The following FGF14 variants were observed in gnomAD, a reference collection of about 807,000 sequenced individuals.
The protein encoded by FGF14 is fibroblast growth factor 14.
FGF14 carries 5 observed loss-of-function variants against 25.5 expected under a neutral mutation model. The observed-to-expected ratio is 0.20, with a 90% CI of 0.10 to 0.41. The LOEUF (loss-of-function observed/expected upper bound fraction) is 0.41, where lower values mean the gene tolerates loss of function less well. Ranked by LOEUF, FGF14 falls within the 10% of genes least tolerant of loss-of-function variation. The probability of loss-of-function intolerance (pLI) is 1.00; values close to 1 mark genes in which losing one functional copy is unlikely to be tolerated. For missense variants in FGF14, 222 were observed against 320.1 expected (o/e 0.69, Z 2.34); for synonymous variants, 138 against 118.3 (o/e 1.17, Z -1.08).
At chr13:102,083,870 A>G (rs1260179861) in intron 1 of FGF14, among the ~76,000 whole-genome samples, 1 of 152,210 alleles carries the variant, frequency 6.6e-6, no homozygotes, top group Non-Finnish European at 1.5e-5. Context: ...ATCTAAGGCA[A>G]TTGGTCATTT....
At position 101,796,115 on chromosome 13, in the gene FGF14, C is replaced by T. The variant is rs115447004; in HGVS notation, c.409-69305G>A. Among the ~76,000 whole-genome samples the T allele has an allele frequency of 6.7e-3, 1,021 of 151,982 alleles. 11 individuals carry two copies. The highest frequency in any genetic ancestry group is 0.023 in the African/African-American group (936 of 41,450). ...AATAACCTATAATATTTTTAGAAAT[C>T]GTAAAATATAAAGTTCCACTGAGTG... On this transcript the variant is annotated intron_variant, in intron 3 of 4. Coordinates refer to ENST00000376143, the MANE Select transcript of FGF14 (RefSeq NM_004115.4).
At chr13:102,228,720 C>T (rs542408902) in intron 1 of FGF14, among the ~76,000 whole-genome samples, 95 of 152,272 alleles carry the variant, frequency 6.2e-4, no homozygotes, top group African/African-American at 2.2e-3. Context: ...CAAGAATCCT[C>T]CTGTTATTGC....
At chr13:102,338,472 T>C (rs554819275) in intron 1 of FGF14, among the ~76,000 whole-genome samples, 168 of 152,308 alleles carry the variant, frequency 1.1e-3, no homozygotes, top group African/African-American at 3.9e-3. Context: ...TGGCTGGTTA[T>C]AGAAAAGCTG....
chr13:101,795,723 A>G (rs1489640088), intron 3 of FGF14, among the ~76,000 whole-genome samples: 2 of 152,174 alleles, frequency 1.3e-5, no homozygotes, highest in Non-Finnish European at 2.9e-5. Flanking sequence ...ACCATAGTAC[A>G]GGAATCACGT....
In FGF14 at chr13:101,731,833, G is replaced by C. The variant is rs139910358; in HGVS notation, c.409-5023C>G. On this transcript the variant is annotated intron_variant, in intron 3 of 4. Coordinates refer to ENST00000376143, the MANE Select transcript of FGF14 (RefSeq NM_004115.4). ...TAAATAAGGTTTCATTGGAAAACAG[G>C]CACTTTCCTTTGTTTATATATTGTC... 4.4e-3 allele frequency among the ~76,000 whole-genome samples: 664 copies of C among 152,238 alleles called. 2 individuals are homozygous for C. Among genetic ancestry groups the C allele is most frequent in the African/African-American group, 0.015 (623 of 41,526 alleles).
chr13:102,058,748 T>A (rs904265159), intron 1 of FGF14, among the ~76,000 whole-genome samples: 1 of 152,182 alleles, frequency 6.6e-6, no homozygotes, highest in Non-Finnish European at 1.5e-5. Flanking sequence ...ATGAGTTTTT[T>A]AATGTAATCT....
Position 101,715,736 on chromosome 13 carries a change from C to A in FGF14, c.*7095G>T. On this transcript the variant is annotated 3_prime_UTR_variant, in exon 5 of 5. Transcript: ENST00000376143. The stretch of plus-strand genomic sequence containing the variant: ...ATGCGAAGGAAACCATGTATATTCA[C>A]CACTAGGACAGGTTAAAAAGACCAT... 1.2e-6 allele frequency: 1 copy of A among 818,638 alleles called. No homozygotes were observed. Among genetic ancestry groups the A allele is most frequent in the Non-Finnish European group, 2.1e-6 (1 of 478,344 alleles). 50.7% of individuals were successfully genotyped at this position (818,638 alleles called of 1,614,324 possible). A position where few individuals can be genotyped will look rare whatever the true frequency, so the allele number is the denominator to read the frequency against.
At chr13:102,006,601 A>T (rs996993216) in intron 1 of FGF14, among the ~76,000 whole-genome samples, 1 of 152,086 alleles carries the variant, frequency 6.6e-6, no homozygotes, top group African/African-American at 2.4e-5. Flanking sequence ...AGCACACCCA[A>T]ACCAAAAGCA....
chr13:101,715,683 ATTTTTTCTGGGCCAT>A lies in FGF14; in HGVS notation c.*7133_*7147del. On this transcript the variant is annotated 3_prime_UTR_variant, in exon 5 of 5. Transcript: ENST00000376143. ...TTACATGAGAGAGGTCTGGATTCTT[ATTTTTTCTGGGCCAT>A]TAGAACAGATAAATGCGAAGGAAAC... is the stretch of plus-strand genomic sequence containing the variant. The A allele has an allele frequency of 6.8e-7, 1 of 1,464,502 alleles. No homozygotes were observed. The highest frequency in any genetic ancestry group is 9.6e-7 in the Non-Finnish European group (1 of 1,043,726). 90.7% of individuals were successfully genotyped at this position (1,464,502 alleles called of 1,614,324 possible). A position where few individuals can be genotyped will look rare whatever the true frequency, so the allele number is the denominator to read the frequency against.
intron 3 of FGF14, among the ~76,000 whole-genome samples, chr13:101,824,535 G>A (rs1485679837): frequency 6.6e-6 from 1 of 151,850 alleles, no homozygotes; most frequent in Non-Finnish European, 1.5e-5. Flanking sequence ...ATAAATATTT[G>A]GTATTAAAAC....
intron 1 of FGF14, chr13:102,300,097 T>C (rs941279398): frequency 6.6e-6 from 1 of 152,170 alleles, no homozygotes; most frequent in Non-Finnish European, 1.5e-5. Context: ...CATTCTCATA[T>C]AATTTAAAAT....
In FGF14 at chr13:102,206,124, T is replaced by G. The variant is rs908298235; in HGVS notation, c.208+195347A>C. ...TTTAACTAATTCACACTAGTCAACCTTCAAACACACACACACACACACACA... is the reference window on the plus strand; with the variant it reads ...TTTAACTAATTCACACTAGTCAACCGTCAAACACACACACACACACACACA... On this transcript the variant is annotated intron_variant, in intron 1 of 4. Coordinates refer to the FGF14 transcript ENST00000376131. Among the ~76,000 whole-genome samples the G allele has an allele frequency of 3.6e-5, 4 of 112,402 alleles. No individual in the cohort carries two copies. In the Admixed American group the frequency reaches 3.6e-4, roughly 10 times the overall value. The allele number at this position is 112,402 out of a possible 152,430, so 73.7% of individuals were successfully genotyped here. A position where few individuals can be genotyped will look rare whatever the true frequency, so the allele number is the denominator to read the frequency against.
intron 1 of FGF14, among the ~76,000 whole-genome samples, chr13:101,939,193 G>A (rs2035287958): frequency 6.6e-6 from 1 of 152,160 alleles, no homozygotes. Context: ...CTTTTCCTTT[G>A]TTATACTTTC....
chr13:101,935,953 T>A (rs188362332), intron 1 of FGF14, among the ~76,000 whole-genome samples: 1 of 152,310 alleles, frequency 6.6e-6, no homozygotes, highest in Non-Finnish European at 1.5e-5. Context: ...CCCAAAAGGA[T>A]AATATTTTGG....
intron 1 of FGF14, chr13:102,002,213 A>AG (rs886721856): frequency 2.2e-4 from 32 of 145,792 alleles, no homozygotes; most frequent in African/African-American, 8.5e-4. Flanking sequence ...AAGTGTAGTT[A>AG]AAAAAAAAAT....
chr13:102,060,666 A>T (rs1877768895), intron 1 of FGF14, among the ~76,000 whole-genome samples: 1 of 152,244 alleles, frequency 6.6e-6, no homozygotes, highest in African/African-American at 2.4e-5. Context: ...GGAGAAATTT[A>T]AAAATCAGTA....
intron 1 of FGF14, among the ~76,000 whole-genome samples, chr13:101,957,441 C>G (rs148029871): frequency 1.4e-3 from 217 of 152,260 alleles, no homozygotes; most frequent in Middle Eastern, 6.9e-3. Context: ...ATTGAATAGT[C>G]AGCAAACTAA....
chr13:101,973,443 T>C (rs947710461), intron 1 of FGF14, among the ~76,000 whole-genome samples: 4 of 152,114 alleles, frequency 2.6e-5, no homozygotes, highest in Admixed American at 6.5e-5. Context: ...TAGTCAATGT[T>C]CTCTAGAGCG....
At chr13:101,950,751 GTTT>G (rs61285721) in intron 1 of FGF14, among the ~76,000 whole-genome samples, 21,020 of 131,946 alleles carry the variant, frequency 0.16, 1,713 homozygotes, top group African/African-American at 0.25. Context: ...ACCTAATCAT[GTTT>G]TTTTTTTTTT....
Sources: allele counts gnomAD v4.1 joint callset (sites outside exome capture counted in the v4.1 genomes callset), GRCh38; gene constraint gnomAD v4.1.1; transcripts MANE v1.5; gene names NCBI Gene and HGNC (gene_info 2026-07-23, HGNC 2026-07-21).